MME: variants seen among roughly 807,000 people sequenced by gnomAD.
The protein encoded by MME is membrane metalloendopeptidase.
MME carries 98 observed loss-of-function variants against 113.2 expected under a neutral mutation model. That is an observed-to-expected ratio of 0.87 (90% confidence interval 0.74 to 1.02). The LOEUF (loss-of-function observed/expected upper bound fraction) is 1.02. Among genes scored for constraint, MME ranks in the 50% least tolerant of loss-of-function variants. The pLI is 0.00. For synonymous variants in MME, 292 were observed against 300.6 expected, an observed-to-expected ratio of 0.97 and a Z score of 0.30; for missense variants, 836 against 896.0, an observed-to-expected ratio of 0.93 and a Z score of 0.86.
intron 1 of MME, among the ~76,000 whole-genome samples, chr3:155,065,227 C>A (rs1249549332): frequency 6.6e-6 from 1 of 152,122 alleles, no homozygotes; most frequent in East Asian, 1.9e-4. Flanking sequence ...TTTCTTTTAA[C>A]TAACCACTTT....
chr3:155,081,921 G>A (rs1715185735), intron 1 of MME: 1 of 152,164 alleles, frequency 6.6e-6, no homozygotes, highest in African/African-American at 2.4e-5. Context: ...TTTACAAGAG[G>A]GGGAGATGGA....
intron 16 of MME, among the ~76,000 whole-genome samples, chr3:155,153,519 A>G (rs1722102162): frequency 6.6e-6 from 1 of 152,198 alleles, no homozygotes; most frequent in South Asian, 2.1e-4. Context: ...TTTCATTTAG[A>G]GTTCATAGAG....
chr3:155,103,887 G>A (rs1717468951), intron 3 of MME, among the ~76,000 whole-genome samples: 1 of 152,144 alleles, frequency 6.6e-6, no homozygotes, highest in South Asian at 2.1e-4. Context: ...ACGCATACAT[G>A]CATAAACTCA....
chr3:155,114,447 A>C (rs984844606), intron 3 of MME, among the ~76,000 whole-genome samples: 3 of 152,248 alleles, frequency 2.0e-5, no homozygotes, highest in African/African-American at 7.2e-5. Context: ...AAACAAATGC[A>C]AATTGGATGT....
chr3:155,101,454 T>C (rs1717213019), intron 3 of MME, among the ~76,000 whole-genome samples: 1 of 152,100 alleles, frequency 6.6e-6, no homozygotes, highest in Non-Finnish European at 1.5e-5. Context: ...CCAAGGTCAG[T>C]AGCTCAAACA....
chr3:155,074,368 T>G (rs943425230), intron 1 of MME, among the ~76,000 whole-genome samples: 4 of 152,238 alleles, frequency 2.6e-5, no homozygotes, highest in East Asian at 1.9e-4. Context: ...AGTTATAGGT[T>G]TCTTCACTTC....
chr3:155,104,085 G>A (rs1318268152), intron 3 of MME, among the ~76,000 whole-genome samples: 2 of 152,144 alleles, frequency 1.3e-5, no homozygotes, highest in African/African-American at 4.8e-5. Flanking sequence ...GAGTTCACGT[G>A]CATTATAAAA....
At chr3:155,164,789 C>T (rs529070926) in intron 17 of MME, among the ~76,000 whole-genome samples, 8 of 152,282 alleles carry the variant, frequency 5.3e-5, no homozygotes, top group Non-Finnish European at 1.0e-4. Context: ...GGCTGCTACA[C>T]GTGAGGTATA....
In MME at chr3:155,167,583, T is replaced by C. The variant is rs73012356; in HGVS notation, c.1780+562T>C. ...CTGAGAGGAATAAAGACGTGAAATA[T>C]GTAAAGAGGTGATAGTTCAATCTAT... On this transcript the variant is annotated intron_variant, in intron 18 of 22. Transcript: ENST00000360490. Among the ~76,000 whole-genome samples the C allele has an allele frequency of 1.1e-3, 164 of 152,276 alleles. 1 individual carries two copies. Among genetic ancestry groups the C allele is most frequent in the African/African-American group, 3.9e-3 (161 of 41,564 alleles).
rs1576644395 is a variant in MME at position 155,148,037 on chromosome 3, GATC to G, written c.1498-512_1498-510del. The stretch of plus-strand genomic sequence containing the variant: ...CTCAAAACCAAGTTCCTTGATTCCA[GATC>G]CCAGTTCCACCACTCATTTAAACTT... On this transcript the variant is annotated intron_variant, in intron 15 of 22. Transcript: ENST00000360490. 6.6e-5 allele frequency among the ~76,000 whole-genome samples: 10 copies of G among 152,250 alleles called. No individual in the cohort carries two copies. The East Asian group carries it at 9.7e-4, about 15-fold the overall frequency.
chr3:155,164,330 C>T (rs1302358191), intron 17 of MME, among the ~76,000 whole-genome samples: 1 of 151,974 alleles, frequency 6.6e-6, no homozygotes, highest in Non-Finnish European at 1.5e-5. Flanking sequence ...CTTCATGGCC[C>T]AATGACTTAT....
chr3:155,046,710 C>A (rs6795596), intron 1 of MME, among the ~76,000 whole-genome samples: 19,120 of 151,968 alleles, frequency 0.13, 1,834 homozygotes, highest in African/African-American at 0.27. Context: ...AAAAGAAAAA[C>A]AGTTTCTACT....
chr3:155,080,989 A>G (rs1715092520), intron 1 of MME: 1 of 152,174 alleles, frequency 6.6e-6, no homozygotes, highest in African/African-American at 2.4e-5. Flanking sequence ...CCAGGGGAGT[A>G]ATATGGTTGG....
chr3:155,084,055 T>C (rs551664278), intron 1 of MME, 103 bp from the exon 2 acceptor site: 43 of 1,095,310 alleles, frequency 3.9e-5, no homozygotes, highest in Admixed American at 1.0e-4. Flanking sequence ...ATTTCTATTT[T>C]AAAATAACTG....
At chr3:155,083,172 A>G (rs996628937) in intron 1 of MME, among the ~76,000 whole-genome samples, 1 of 152,202 alleles carries the variant, frequency 6.6e-6, no homozygotes, top group African/African-American at 2.4e-5. Context: ...TTACTGCATG[A>G]TGATACAGCT....
At position 155,181,768 on chromosome 3, in the gene MME, G is replaced by A. The variant is rs138965993; in HGVS notation, c.*1309G>A. ...TGTTCCTCTCTTTTCCTGTTGTATT[G>A]ACTATTTTCGTTCATTACTTGATTA... On this transcript the variant is annotated 3_prime_UTR_variant, in exon 23 of 23. Coordinates refer to ENST00000360490, the MANE Select transcript of MME (RefSeq NM_007289.4). 20 of 152,058 alleles carry A rather than the reference G, an allele frequency of 1.3e-4. No individual in the cohort carries two copies. The East Asian group carries it at 3.9e-3, about 29-fold the overall frequency. 9.4% of individuals were successfully genotyped at this position (152,058 alleles called of 1,614,324 possible). A position where few individuals can be genotyped will look rare whatever the true frequency, so the allele number is the denominator to read the frequency against.
upstream of MME, among the ~76,000 whole-genome samples, chr3:155,079,071 G>A (rs942967297): frequency 3.9e-5 from 6 of 152,102 alleles, no homozygotes; most frequent in Admixed American, 2.0e-4. Flanking sequence ...GGAGGTGGGA[G>A]CGGAGAGTTT....
intron 8 of MME, 89 bp downstream of exon 8, chr3:155,118,900 T>G: frequency 1.2e-6 from 1 of 865,586 alleles, no homozygotes; most frequent in Admixed American, 2.1e-5. Flanking sequence ...CAAATTAAAT[T>G]TAGCCCTCTG....
At chr3:155,118,380 G>A (rs150577930) in intron 7 of MME, among the ~76,000 whole-genome samples, 30 of 152,354 alleles carry the variant, frequency 2.0e-4, no homozygotes, top group African/African-American at 6.5e-4. Flanking sequence ...AGAATCTCAG[G>A]AAGCTGAGAA....
Sources: allele counts gnomAD v4.1 joint callset (sites outside exome capture counted in the v4.1 genomes callset), GRCh38; gene constraint gnomAD v4.1.1; transcripts MANE v1.5; gene names NCBI Gene and HGNC (gene_info 2026-07-23, HGNC 2026-07-21).